Variants in ANXA8 observed in about 807,000 individuals in gnomAD.
ANXA8 encodes VAC-beta.
A neutral mutation model predicts 26.8 loss-of-function variants in ANXA8; 9 were observed. The ratio of observed to expected loss-of-function variants is 0.34; its 90% CI spans 0.20 to 0.59. The LOEUF is 0.59. ANXA8 is among the 20% of genes least tolerant of loss of function. The pLI is 0.84. For missense variants in ANXA8, 83 were observed against 238.5 expected (o/e 0.35, Z 4.29); for synonymous variants, 39 against 94.8 (o/e 0.41, Z 3.42).
At chr10:47,576,821 G>A in the ANXA8 span, among the ~76,000 whole-genome samples, 1 of 150,012 alleles carries the variant, frequency 6.7e-6, no homozygotes, top group South Asian at 2.1e-4. Flanking sequence ...GCCTGGCCTA[G>A]AGAGATTTTT....
At chr10:47,510,975 G>A in the ANXA8 span, among the ~76,000 whole-genome samples, 7 of 127,410 alleles carry the variant, frequency 5.5e-5, 1 homozygote, top group African/African-American at 2.1e-4. Context: ...ACGGAGTCTC[G>A]CTCTGTAGCC....
At chr10:47,469,855 G>A (rs1247372833) in intron 11 of ANXA8, among the ~76,000 whole-genome samples, 1 of 151,020 alleles carries the variant, frequency 6.6e-6, no homozygotes, top group African/African-American at 2.5e-5. Context: ...TCTCATTACG[G>A]GTTTCAAACT....
chr10:47,586,128 C>G, the ANXA8 span, among the ~76,000 whole-genome samples: 1 of 137,828 alleles, frequency 7.3e-6, no homozygotes, highest in Middle Eastern at 3.5e-3. Flanking sequence ...CTGCTAAACC[C>G]ATCTGTGCAC....
chr10:47,554,302 A>G, the ANXA8 span, among the ~76,000 whole-genome samples: 3 of 140,602 alleles, frequency 2.1e-5, no homozygotes, highest in African/African-American at 8.1e-5. Flanking sequence ...CCTGGGCGAC[A>G]GAGCAAGACA....
the ANXA8 span, among the ~76,000 whole-genome samples, chr10:47,587,367 T>C: frequency 2.7e-5 from 4 of 148,494 alleles, no homozygotes; most frequent in Admixed American, 2.6e-4. Context: ...GGTATCGTTC[T>C]AACTTCATTA....
the ANXA8 span, among the ~76,000 whole-genome samples, chr10:47,678,741 T>C: frequency 6.6e-6 from 1 of 151,644 alleles, no homozygotes; most frequent in African/African-American, 2.4e-5. Context: ...GGAATTACTT[T>C]AGGAAACAGC....
the ANXA8 span, among the ~76,000 whole-genome samples, chr10:47,733,249 T>TTCTC: frequency 7.9e-4 from 75 of 95,118 alleles, 1 homozygote; most frequent in Non-Finnish European, 1.1e-3. Context: ...CTTTCTTTCT[T>TTCTC]TCTTTCTTTC....
At chr10:47,696,428 G>C in the ANXA8 span, 1 of 1,301,030 alleles carries the variant, frequency 7.7e-7, no homozygotes, top group Non-Finnish European at 1.1e-6. Context: ...AGGACCAATG[G>C]ATTGGTGAGA....
the ANXA8 span, among the ~76,000 whole-genome samples, chr10:47,954,882 C>G: frequency 6.6e-6 from 1 of 151,016 alleles, no homozygotes; most frequent in East Asian, 2.1e-4. Context: ...GGAACACTAC[C>G]CAACATTAAA....
the ANXA8 span, among the ~76,000 whole-genome samples, chr10:47,777,811 G>A: frequency 2.0e-5 from 3 of 151,724 alleles, no homozygotes; most frequent in Non-Finnish European, 2.9e-5. Flanking sequence ...TAGAGAGAAG[G>A]TCTTGCTGTG....
the ANXA8 span, among the ~76,000 whole-genome samples, chr10:47,898,811 A>ATGTTTTTTTTT: frequency 1.8e-5 from 1 of 56,242 alleles, no homozygotes; most frequent in Non-Finnish European, 2.9e-5. Context: ...AAGAGAATGG[A>ATGTTTTTTTTT]TTTTTTTTTT....
At chr10:47,677,227 T>C in the ANXA8 span, among the ~76,000 whole-genome samples, 2 of 152,046 alleles carry the variant, frequency 1.3e-5, no homozygotes, top group African/African-American at 4.8e-5. Context: ...GGAATTATAC[T>C]GTCATACATT....
chr10:47,735,332 C>T, the ANXA8 span, among the ~76,000 whole-genome samples: 2 of 145,406 alleles, frequency 1.4e-5, no homozygotes, highest in African/African-American at 2.6e-5. Flanking sequence ...TGGGCTCAAC[C>T]GACCCTCTTG....
chr10:47,485,487 C>A (rs1202365584), upstream of ANXA8, among the ~76,000 whole-genome samples: 1 of 152,040 alleles, frequency 6.6e-6, no homozygotes, highest in Non-Finnish European at 1.5e-5. Flanking sequence ...AAAGCTAAGA[C>A]ATTGGCTATA....
At chr10:47,469,033 T>G (rs1839212769) in intron 11 of ANXA8, 127 bp from the exon 12 acceptor site, 1 of 1,361,524 alleles carries the variant, frequency 7.3e-7, no homozygotes, top group Non-Finnish European at 1.0e-6. Flanking sequence ...CCAGGGTTCC[T>G]AGCCGCAGGG....
At chr10:47,584,156 G>A in the ANXA8 span, among the ~76,000 whole-genome samples, 2 of 149,748 alleles carry the variant, frequency 1.3e-5, no homozygotes, top group East Asian at 1.9e-4. Context: ...TCCAGCCTGG[G>A]CGAGAGGAGA....
At chr10:47,733,213 CTTTCTT>C in the ANXA8 span, among the ~76,000 whole-genome samples, 190 of 68,364 alleles carry the variant, frequency 2.8e-3, 1 homozygote, top group African/African-American at 5.4e-3. Flanking sequence ...TTCTTTCTTT[CTTTCTT>C]TCTCTTTCTT....
chr10:47,947,752 A>C, the ANXA8 span, among the ~76,000 whole-genome samples: 1 of 150,550 alleles, frequency 6.6e-6, no homozygotes. Flanking sequence ...TGAGTCAACT[A>C]AACCTCTTTA....
the ANXA8 span, among the ~76,000 whole-genome samples, chr10:47,733,292 T>TTTC: frequency 1.3e-5 from 1 of 78,572 alleles, no homozygotes; most frequent in Non-Finnish European, 2.5e-5. Flanking sequence ...TCTTTCTTTC[T>TTTC]TTCTTTTTTT....
Sources: allele counts gnomAD v4.1 joint callset (sites outside exome capture counted in the v4.1 genomes callset), GRCh38; gene constraint gnomAD v4.1.1; transcripts MANE v1.5; gene names NCBI Gene and HGNC (gene_info 2026-07-23, HGNC 2026-07-21).